C12orf56: variants seen among roughly 807,000 people sequenced by gnomAD.
C12orf56 encodes chromosome 12 open reading frame 56, also known as uncharacterized protein C12orf56.
Under a neutral mutation model 69.9 loss-of-function variants are expected in C12orf56, and 71 were observed. The observed-to-expected ratio is 1.02, with a 90% confidence interval of 0.84 to 1.24. C12orf56 has a LOEUF of 1.24. Ranked by LOEUF, C12orf56 falls within the 50% of genes most tolerant of loss-of-function variation. The pLI is 0.00. For missense variants in C12orf56, 732 were observed against 738.5 expected, an observed-to-expected ratio of 0.99 and a Z score of 0.10; for synonymous variants, 276 against 274.1, an observed-to-expected ratio of 1.01 and a Z score of -0.07.
intron 3 of C12orf56, among the ~76,000 whole-genome samples, chr12:64,328,769 A>G (rs2136860774): frequency 6.8e-6 from 1 of 146,712 alleles, no homozygotes; most frequent in East Asian, 2.0e-4. Context: ...AACTTAAGAA[A>G]CAACTTTTTT....
intron 5 of C12orf56, 40 bp from the exon 6 acceptor site, chr12:64,303,819 T>C: frequency 6.5e-7 from 1 of 1,541,752 alleles, no homozygotes; most frequent in Non-Finnish European, 8.7e-7. Context: ...AAAAAAATGG[T>C]AAGACATAGC....
chr12:64,387,778 C>T (rs2039814038), intron 1 of C12orf56, among the ~76,000 whole-genome samples: 1 of 152,020 alleles, frequency 6.6e-6, no homozygotes, highest in South Asian at 2.1e-4. Context: ...GGCCACTGCA[C>T]TCCAGCCTGG....
chr12:64,308,940 G>GAAAGAAAGAAGGAAGAAAGAAAGAAAGA (rs35488127), intron 5 of C12orf56, among the ~76,000 whole-genome samples: 2 of 80,878 alleles, frequency 2.5e-5, no homozygotes, highest in East Asian at 3.5e-4. Flanking sequence ...AAGAAAGAAA[G>GAAAGAAAGAAGGAAGAAAGAAAGAAAGA]AAGAAAGAAA....
rs67423978 is a variant in C12orf56 at position 64,380,125 on chromosome 12, A to C, written c.252+10189T>G. On this transcript the variant is annotated intron_variant, in intron 1 of 12. Transcript: ENST00000543942. ...GTCGCAAAAAAAAAAAAAAAAAAAAAAAAAAAAAACAAAACAAACAAAAAA... is the reference window on the plus strand; with the variant it reads ...GTCGCAAAAAAAAAAAAAAAAAAAACAAAAAAAAACAAAACAAACAAAAAA... Among the ~76,000 whole-genome samples, 328 of 55,854 alleles carry C rather than the reference A, an allele frequency of 5.9e-3. 8 individuals carry two copies. Among genetic ancestry groups the C allele is most frequent in the South Asian group, 0.01 (22 of 2,124 alleles). The allele number at this position is 55,854 out of a possible 152,430, so 36.6% of individuals were successfully genotyped here. A position where few individuals can be genotyped will look rare whatever the true frequency, so the allele number is the denominator to read the frequency against.
At chr12:64,280,135 G>A (rs908707634) in intron 8 of C12orf56, among the ~76,000 whole-genome samples, 5 of 152,072 alleles carry the variant, frequency 3.3e-5, no homozygotes, top group African/African-American at 1.2e-4. Flanking sequence ...GGAAAATGCT[G>A]AAATGATTAA....
chr12:64,388,660 G>A (rs2039825753), intron 1 of C12orf56, among the ~76,000 whole-genome samples: 2 of 152,186 alleles, frequency 1.3e-5, no homozygotes, highest in African/African-American at 4.8e-5. Flanking sequence ...TTTGAGACTA[G>A]CTTGGGCAAC....
chr12:64,267,249 T>G lies in C12orf56; in HGVS notation c.1803A>C (p.Pro601=), dbSNP rs1471684690. 3 of 1,612,396 alleles carry G rather than the reference T, an allele frequency of 1.9e-6. No individual in the cohort carries two copies. The Admixed American group carries it at 5.0e-5, about 27-fold the overall frequency. The change falls in exon 13 of 13, where the codon CCA becomes CCC. Residue 601 remains proline, a synonymous_variant. Transcript: ENST00000543942. The part of the protein sequence containing the change: ...IHMPALQKRL[P]LCYPITQPTI... ...TAGGTTGAGTGATGGGGTAACACAATGGGAGCCTTTTCTGCAAGGCTGGCA... is the reference window on the plus strand; with the variant it reads ...TAGGTTGAGTGATGGGGTAACACAAGGGGAGCCTTTTCTGCAAGGCTGGCA...
intron 8 of C12orf56, among the ~76,000 whole-genome samples, chr12:64,283,002 C>T (rs778762912): frequency 4.0e-5 from 6 of 151,644 alleles, no homozygotes; most frequent in Non-Finnish European, 7.4e-5. Context: ...ATTAACCGGG[C>T]ATGGTGGTGC....
intron 11 of C12orf56, 47 bp downstream of exon 11, chr12:64,274,854 T>A (rs1269227306): frequency 1.4e-6 from 2 of 1,434,144 alleles, no homozygotes; most frequent in Admixed American, 3.5e-5. Flanking sequence ...AGAGTATCTG[T>A]TTAATTAGGC....
chr12:64,310,066 G>A (rs1014966877), intron 5 of C12orf56, among the ~76,000 whole-genome samples: 2 of 150,998 alleles, frequency 1.3e-5, no homozygotes, highest in African/African-American at 4.9e-5. Context: ...CACTCAGGCT[G>A]GAGTGCGGCG....
intron 5 of C12orf56, among the ~76,000 whole-genome samples, chr12:64,308,935 AG>A (rs1565748888): frequency 1.1e-3 from 41 of 38,538 alleles, no homozygotes; most frequent in African/African-American, 2.9e-3. Context: ...AAAGAAAGAA[AG>A]AAAGAAGAAA....
At position 64,372,416 on chromosome 12, in the gene C12orf56, G is replaced by A. The variant is rs1053551380; in HGVS notation, c.252+17898C>T. Among the ~76,000 whole-genome samples, 7 of 152,066 alleles carry A rather than the reference G, an allele frequency of 4.6e-5. No individual in the cohort carries two copies. The East Asian group carries it at 5.8e-4, about 13-fold the overall frequency. Reference sequence around the variant, plus strand: ...GTATTCCATGGCAATATTTTATTGCGAACTATGTCTGACTACCTATTATTT... The same window carrying A: ...GTATTCCATGGCAATATTTTATTGCAAACTATGTCTGACTACCTATTATTT... On this transcript the variant is annotated intron_variant, in intron 1 of 12. Coordinates refer to ENST00000543942, the MANE Select transcript of C12orf56 (RefSeq NM_001170633.2).
At chr12:64,376,048 C>G (rs373547567) in intron 1 of C12orf56, among the ~76,000 whole-genome samples, 215 of 124,590 alleles carry the variant, frequency 1.7e-3, no homozygotes, top group African/African-American at 5.8e-3. Context: ...GAATTATGCT[C>G]AGCAAATAGA....
intron 6 of C12orf56, among the ~76,000 whole-genome samples, chr12:64,302,876 C>T (rs1236477937): frequency 6.6e-6 from 1 of 152,120 alleles, no homozygotes; most frequent in Middle Eastern, 3.2e-3. Context: ...TGGCTCATGC[C>T]CGTAATCACA....
At chr12:64,353,479 C>G (rs981220242) in intron 1 of C12orf56, among the ~76,000 whole-genome samples, 1 of 150,450 alleles carries the variant, frequency 6.6e-6, no homozygotes, top group Admixed American at 6.6e-5. Context: ...TTTTTTTTTC[C>G]CCTTCATTTT....
intron 1 of C12orf56, among the ~76,000 whole-genome samples, chr12:64,379,582 A>G (rs2039684618): frequency 6.6e-6 from 1 of 151,500 alleles, no homozygotes. Flanking sequence ...CACCGCGCCC[A>G]GCCTGAATGC....
chr12:64,383,944 A>G (rs758575875), intron 1 of C12orf56, among the ~76,000 whole-genome samples: 7 of 152,234 alleles, frequency 4.6e-5, no homozygotes, highest in Non-Finnish European at 8.8e-5. Context: ...TAGGTTCACA[A>G]TGCATGCCTG....
chr12:64,269,837 G>T (rs11175302), intron 12 of C12orf56, among the ~76,000 whole-genome samples: 1 of 151,722 alleles, frequency 6.6e-6, no homozygotes, highest in African/African-American at 2.4e-5. Flanking sequence ...AATCTGCCCG[G>T]CTCAGCCTCC....
chr12:64,383,555 G>A (rs1364330292), intron 1 of C12orf56, among the ~76,000 whole-genome samples: 9 of 151,758 alleles, frequency 5.9e-5, no homozygotes, highest in African/African-American at 2.2e-4. Context: ...TTTTGTATTT[G>A]TCATAGAAAC....
Sources: allele counts gnomAD v4.1 joint callset (sites outside exome capture counted in the v4.1 genomes callset), GRCh38; gene constraint gnomAD v4.1.1; transcripts MANE v1.5; gene names NCBI Gene and HGNC (gene_info 2026-07-23, HGNC 2026-07-21).